PTPRD: variants seen among roughly 807,000 people sequenced by gnomAD.
The protein encoded by PTPRD is protein tyrosine phosphatase receptor type D.
PTPRD carries 34 observed loss-of-function variants against 214.5 expected under a neutral mutation model. The ratio of observed to expected loss-of-function variants is 0.16; its 90% CI spans 0.12 to 0.21. The LOEUF (loss-of-function observed/expected upper bound fraction) is 0.21. Ranked by LOEUF, PTPRD falls within the 10% of genes least tolerant of loss-of-function variation. The pLI, the probability that PTPRD is intolerant of heterozygous loss-of-function variation, is 1.00. For missense variants in PTPRD, 2,545 were observed against 2,398.7 expected (o/e 1.06, Z -1.27); for synonymous variants, 1,128 against 845.7 (o/e 1.33, Z -5.79).
Position 8,962,605 on chromosome 9 carries a change from T to C in PTPRD, c.-104+56092A>G, listed in dbSNP as rs10977404. On this transcript the variant is annotated intron_variant, in intron 11 of 45. Coordinates refer to ENST00000381196, the MANE Select transcript of PTPRD (RefSeq NM_002839.4). Reference sequence around the variant, plus strand: ...TTAAGCTTTGTATCAAGGGTGTCCATGTAAAAAATTGATTTATCACTTAAT... The same window carrying C: ...TTAAGCTTTGTATCAAGGGTGTCCACGTAAAAAATTGATTTATCACTTAAT... Among the ~76,000 whole-genome samples the C allele has an allele frequency of 7.5e-4, 114 of 152,214 alleles. 1 individual carries two copies. The East Asian group carries it at 0.019, about 26-fold the overall frequency.
intron 3 of PTPRD, among the ~76,000 whole-genome samples, chr9:10,218,676 G>A (rs956212326): frequency 4.6e-5 from 7 of 151,712 alleles, no homozygotes; most frequent in African/African-American, 1.7e-4. Flanking sequence ...TAATTGGAGA[G>A]TATACTCCAT....
At chr9:10,096,910 T>G (rs1488451247) in intron 3 of PTPRD, among the ~76,000 whole-genome samples, 1 of 152,076 alleles carries the variant, frequency 6.6e-6, no homozygotes, top group Admixed American at 6.6e-5. Context: ...TTGAATTAAT[T>G]TTTTTAAGAT....
chr9:10,440,976 T>C (rs1272569299), intron 2 of PTPRD, among the ~76,000 whole-genome samples: 6 of 151,770 alleles, frequency 4.0e-5, no homozygotes, highest in Admixed American at 4.0e-4. Flanking sequence ...TCAAAATCAT[T>C]TTTTACTCTT....
chr9:8,416,310 C>T (rs1047979290), intron 35 of PTPRD, among the ~76,000 whole-genome samples: 13 of 152,210 alleles, frequency 8.5e-5, no homozygotes, highest in African/African-American at 2.4e-4. Context: ...TACATGAATA[C>T]ACACACATAT....
chr9:10,089,709 T>A (rs189590021), intron 3 of PTPRD, among the ~76,000 whole-genome samples: 2 of 151,788 alleles, frequency 1.3e-5, no homozygotes, highest in Admixed American at 6.6e-5. Context: ...ATTGAGAAGT[T>A]AGTAATTTAA....
At chr9:9,821,325 G>T (rs890951701) in intron 5 of PTPRD, among the ~76,000 whole-genome samples, 6 of 152,142 alleles carry the variant, frequency 3.9e-5, no homozygotes, top group African/African-American at 1.4e-4. Context: ...AATGTCAAAT[G>T]TAATTGAATT....
At chr9:9,398,690 GAATACATTTTATTTTTAT>G (rs1237551262) in intron 8 of PTPRD, among the ~76,000 whole-genome samples, 1 of 151,824 alleles carries the variant, frequency 6.6e-6, no homozygotes, top group African/African-American at 2.4e-5. Flanking sequence ...AATCATATGG[GAATACATTTTATTTTTAT>G]ATTTTTTAGA....
chr9:9,992,720 C>T (rs540267885), intron 4 of PTPRD, among the ~76,000 whole-genome samples: 2 of 151,862 alleles, frequency 1.3e-5, no homozygotes, highest in Non-Finnish European at 2.9e-5. Context: ...AAACACTGCA[C>T]GTTCTCACTC....
At chr9:10,456,228 T>G (rs1031190688) in intron 2 of PTPRD, among the ~76,000 whole-genome samples, 5 of 151,864 alleles carry the variant, frequency 3.3e-5, no homozygotes, top group African/African-American at 9.7e-5. Context: ...TACAACAAAT[T>G]AAATGGGTAT....
chr9:10,102,736 C>A lies in PTPRD; in HGVS notation c.-544-68946G>T, dbSNP rs187982620. 1.2e-3 allele frequency among the ~76,000 whole-genome samples: 185 copies of A among 151,540 alleles called. 2 individuals carry two copies. Among genetic ancestry groups the A allele is most frequent in the African/African-American group, 4.3e-3 (179 of 41,406 alleles). ...CTCTGATATATGTCTTCAGTTTACC[C>A]AAGTGCTTCAAAATGAGTATAAAGA... On this transcript the variant is annotated intron_variant, in intron 3 of 45. Transcript: ENST00000381196.
intron 7 of PTPRD, among the ~76,000 whole-genome samples, chr9:9,601,264 T>C (rs1381227466): frequency 6.6e-6 from 1 of 151,918 alleles, no homozygotes; most frequent in African/African-American, 2.4e-5. Context: ...TCTTTTTGCA[T>C]GGTCAAAGAT....
chr9:8,370,205 T>TACACACACAC (rs760579063), intron 39 of PTPRD, among the ~76,000 whole-genome samples: 2 of 63,462 alleles, frequency 3.2e-5, no homozygotes, highest in South Asian at 9.4e-4. Flanking sequence ...CACATATATA[T>TACACACACAC]ATACACACAC....
chr9:9,945,796 T>C (rs1478711644), intron 4 of PTPRD, among the ~76,000 whole-genome samples: 1 of 152,054 alleles, frequency 6.6e-6, no homozygotes, highest in African/African-American at 2.4e-5. Flanking sequence ...GTTCCAAAAA[T>C]TGAAATCCAA....
At chr9:9,286,900 A>G (rs1175992283) in intron 9 of PTPRD, among the ~76,000 whole-genome samples, 4 of 24,362 alleles carry the variant, frequency 1.6e-4, no homozygotes, top group African/African-American at 2.1e-4. Flanking sequence ...ATATATATAT[A>G]TATATATATA....
At chr9:9,436,608 T>C (rs1037001802) in intron 8 of PTPRD, among the ~76,000 whole-genome samples, 9 of 150,022 alleles carry the variant, frequency 6.0e-5, no homozygotes, top group Non-Finnish European at 1.2e-4. Flanking sequence ...TGTTAATTAT[T>C]AGTACTCTTA....
chr9:8,505,566 G>A lies in PTPRD; in HGVS notation c.1678-1161C>T, dbSNP rs571451771. On this transcript the variant is annotated intron_variant, in intron 22 of 45. Coordinates refer to ENST00000381196, the MANE Select transcript of PTPRD (RefSeq NM_002839.4). Reference sequence around the variant, plus strand: ...GAACCCAGGAGGCAGAGCTTGCAGTGAGCAGAGATCGCGCCACTGCACTCC... The same window carrying A: ...GAACCCAGGAGGCAGAGCTTGCAGTAAGCAGAGATCGCGCCACTGCACTCC... Among the ~76,000 whole-genome samples, 179 of 144,072 alleles carry A rather than the reference G, an allele frequency of 1.2e-3. 2 individuals are homozygous for A. The highest frequency in any genetic ancestry group is 6.6e-3 in the Admixed American group (90 of 13,720). 94.5% of individuals were successfully genotyped at this position (144,072 alleles called of 152,430 possible). A position where few individuals can be genotyped will look rare whatever the true frequency, so the allele number is the denominator to read the frequency against.
chr9:8,333,462 T>C (rs1377432874), intron 43 of PTPRD, among the ~76,000 whole-genome samples: 6 of 152,172 alleles, frequency 3.9e-5, no homozygotes, highest in African/African-American at 7.2e-5. Context: ...TTAAGCTTCA[T>C]AAGCAAAGGA....
At chr9:8,366,429 T>A (rs770993406) in intron 39 of PTPRD, among the ~76,000 whole-genome samples, 32 of 152,010 alleles carry the variant, frequency 2.1e-4, no homozygotes, top group Non-Finnish European at 4.1e-4. Context: ...GGAGGTGAGA[T>A]GGGAAGAGAC....
chr9:9,687,996 G>A (rs560098595), intron 7 of PTPRD, among the ~76,000 whole-genome samples: 15 of 151,806 alleles, frequency 9.9e-5, no homozygotes, highest in African/African-American at 3.6e-4. Context: ...AATTCTCATG[G>A]GATCTGATGA....
Sources: allele counts gnomAD v4.1 joint callset (sites outside exome capture counted in the v4.1 genomes callset), GRCh38; gene constraint gnomAD v4.1.1; transcripts MANE v1.5; gene names NCBI Gene and HGNC (gene_info 2026-07-23, HGNC 2026-07-21).